The following SEMA6A variants were observed in gnomAD, a reference collection of about 807,000 sequenced individuals.
SEMA6A encodes the protein semaphorin 6A, also known as semaphorin-6A.
Under a neutral mutation model 96.8 loss-of-function variants are expected in SEMA6A, and 25 were observed. The observed-to-expected ratio is 0.26, with a 90% CI of 0.19 to 0.36. The LOEUF is 0.36. Ranked by LOEUF, SEMA6A falls within the 10% of genes least tolerant of loss-of-function variation. The pLI is 1.00. For missense variants in SEMA6A, 1,363 were observed against 1,323.1 expected, an observed-to-expected ratio of 1.03 and a Z score of -0.47; for synonymous variants, 612 against 518.0, an observed-to-expected ratio of 1.18 and a Z score of -2.46.
intron 1 of SEMA6A, among the ~76,000 whole-genome samples, chr5:116,542,047 TC>T (rs1422033097): frequency 6.6e-6 from 1 of 152,238 alleles, no homozygotes; most frequent in Admixed American, 6.5e-5. Context: ...AAGGACTCTG[TC>T]CCTGCTGCTG....
Position 116,549,179 on chromosome 5 carries a change from A to T in SEMA6A, c.-39+25006T>A, listed in dbSNP as rs1161421523. 2.6e-5 allele frequency among the ~76,000 whole-genome samples: 4 copies of T among 152,328 alleles called. No homozygotes were observed. In the East Asian group the frequency reaches 7.7e-4, roughly 29 times the overall value. On this transcript the variant is annotated intron_variant, in intron 1 of 18. Coordinates refer to ENST00000343348, the MANE Select transcript of SEMA6A (RefSeq NM_020796.5). ...GGGACCTACTAAAAGCATACTTTAC[A>T]AGTCTTTATAAGCCTCTACCATTTG...
At chr5:116,452,961 G>A (rs2112593237) in intron 18 of SEMA6A, among the ~76,000 whole-genome samples, 1 of 152,336 alleles carries the variant, frequency 6.6e-6, no homozygotes, top group African/African-American at 2.4e-5. Context: ...ATACAACTCT[G>A]TCCAAAGTGT....
intron 1 of SEMA6A, among the ~76,000 whole-genome samples, chr5:116,549,914 C>G (rs1760333047): frequency 1.3e-5 from 2 of 152,146 alleles, no homozygotes; most frequent in South Asian, 4.1e-4. Context: ...GGCACACATT[C>G]CATTCAATTA....
chr5:116,563,707 T>C (rs1279097935), intron 1 of SEMA6A, among the ~76,000 whole-genome samples: 2 of 152,244 alleles, frequency 1.3e-5, no homozygotes, highest in East Asian at 3.8e-4. Context: ...ATGAACTCAA[T>C]TCAACAAAAT....
rs144423055 is a variant in SEMA6A at position 116,460,232 on chromosome 5, C to T, written c.1894+7351G>A. Among the ~76,000 whole-genome samples, 323 of 152,228 alleles carry T rather than the reference C, an allele frequency of 2.1e-3. 2 individuals are homozygous for T. The highest frequency in any genetic ancestry group is 7.3e-3 in the African/African-American group (303 of 41,554). On this transcript the variant is annotated intron_variant, in intron 18 of 18. Transcript: ENST00000343348. ...CAATTTGATTTCTGAGCCTTCCTTA[C>T]TTGAAAGTGGCATTTGAAAGCCTGT...
chr5:116,558,956 G>A (rs530481002), intron 1 of SEMA6A, among the ~76,000 whole-genome samples: 2 of 152,260 alleles, frequency 1.3e-5, no homozygotes, highest in Admixed American at 1.3e-4. Flanking sequence ...CTTTCATAAA[G>A]TAAAATTGTT....
At chr5:116,500,888 C>T (rs1757845941) in intron 3 of SEMA6A, among the ~76,000 whole-genome samples, 1 of 152,108 alleles carries the variant, frequency 6.6e-6, no homozygotes, top group South Asian at 2.1e-4. Flanking sequence ...CACCTGTAGT[C>T]CCAGCTACTC....
rs79070916 is a variant in SEMA6A at position 116,541,976 on chromosome 5, A to G, written c.-39+32209T>C. ...GTTATGAAGTCTCATGTGCAGAAGC[A>G]CATGTCATATCTTGGCAAATACATT... On this transcript the variant is annotated intron_variant, in intron 1 of 18. Coordinates refer to ENST00000343348, the MANE Select transcript of SEMA6A (RefSeq NM_020796.5). Among the ~76,000 whole-genome samples the G allele has an allele frequency of 5.4e-4, 83 of 152,344 alleles. 3 individuals are homozygous for G. In the East Asian group the frequency reaches 0.014, roughly 25 times the overall value.
At chr5:116,456,418 A>G (rs1755013803) in intron 18 of SEMA6A, among the ~76,000 whole-genome samples, 1 of 152,216 alleles carries the variant, frequency 6.6e-6, no homozygotes, top group Non-Finnish European at 1.5e-5. Context: ...TACTGTGGGT[A>G]TCATGCTCTG....
intron 18 of SEMA6A, among the ~76,000 whole-genome samples, chr5:116,464,567 G>A (rs1022504758): frequency 2.0e-5 from 3 of 152,106 alleles, no homozygotes; most frequent in Non-Finnish European, 4.4e-5. Flanking sequence ...TGCTACTCAC[G>A]GTGTAGAAGG....
chr5:116,481,461 T>G (rs994471262), intron 11 of SEMA6A, among the ~76,000 whole-genome samples: 2 of 152,178 alleles, frequency 1.3e-5, no homozygotes, highest in Non-Finnish European at 2.9e-5. Flanking sequence ...ATTCAGGTAA[T>G]GAAGATGGAT....
chr5:116,552,249 C>CTT (rs1448949018), intron 1 of SEMA6A, among the ~76,000 whole-genome samples: 2 of 75,028 alleles, frequency 2.7e-5, no homozygotes, highest in Non-Finnish European at 6.6e-5. Flanking sequence ...TGTAGTCAAT[C>CTT]ATTTTTTTTC....
intron 1 of SEMA6A, chr5:116,562,994 G>A (rs768601011): frequency 9.0e-6 from 5 of 556,416 alleles, no homozygotes; most frequent in East Asian, 4.4e-5. Flanking sequence ...AAGGGGGGTC[G>A]CCGTGGTCGC....
intron 1 of SEMA6A, among the ~76,000 whole-genome samples, chr5:116,551,691 C>T (rs543673156): frequency 7.2e-5 from 11 of 152,236 alleles, no homozygotes; most frequent in African/African-American, 9.6e-5. Flanking sequence ...GTTTCATTTG[C>T]GGACATCTTT....
intron 1 of SEMA6A, among the ~76,000 whole-genome samples, chr5:116,545,513 TGAGCC>T (rs1474120874): frequency 6.6e-6 from 1 of 152,026 alleles, no homozygotes; most frequent in Admixed American, 6.6e-5. Context: ...GAGGTTGTAG[TGAGCC>T]GAGATTGCGC....
At chr5:116,474,162 G>C (rs1345810567) in intron 16 of SEMA6A, among the ~76,000 whole-genome samples, 4 of 147,600 alleles carry the variant, frequency 2.7e-5, no homozygotes, top group Non-Finnish European at 6.0e-5. Context: ...TTTCTGATTT[G>C]ATCCAAATCT....
At chr5:116,466,574 T>C (rs926974644) in intron 18 of SEMA6A, among the ~76,000 whole-genome samples, 1 of 152,128 alleles carries the variant, frequency 6.6e-6, no homozygotes. Context: ...GATGAAAATG[T>C]AGCCTGAGAG....
At chr5:116,550,680 T>A (rs1760366485) in intron 1 of SEMA6A, 1 of 152,172 alleles carries the variant, frequency 6.6e-6, no homozygotes, top group African/African-American at 2.4e-5. Context: ...GTGCTTTAGG[T>A]TTACCTGGGC....
chr5:116,509,835 G>T (rs1284448462), intron 1 of SEMA6A, among the ~76,000 whole-genome samples: 1 of 152,098 alleles, frequency 6.6e-6, no homozygotes, highest in Non-Finnish European at 1.5e-5. Flanking sequence ...TTGTTGTTGT[G>T]TCAGCCACTC....
Sources: allele counts gnomAD v4.1 joint callset (sites outside exome capture counted in the v4.1 genomes callset), GRCh38; gene constraint gnomAD v4.1.1; transcripts MANE v1.5; gene names NCBI Gene and HGNC (gene_info 2026-07-23, HGNC 2026-07-21).